TM6SF1: variants seen among roughly 807,000 people sequenced by gnomAD.
TM6SF1 encodes transmembrane 6 superfamily member 1.
TM6SF1 carries 43 observed loss-of-function variants against 47.1 expected under a neutral mutation model. The ratio of observed to expected loss-of-function variants is 0.91; its 90% CI spans 0.72 to 1.18. The LOEUF is 1.18. TM6SF1 is among the 50% of genes most tolerant of loss of function. The probability of loss-of-function intolerance (pLI) is 0.00; values close to 1 mark genes in which losing one functional copy is unlikely to be tolerated. For missense variants in TM6SF1, 390 were observed against 449.0 expected, an observed-to-expected ratio of 0.87 and a Z score of 1.19; for synonymous variants, 177 against 166.3, an observed-to-expected ratio of 1.06 and a Z score of -0.49.
At chr15:83,122,563 A>G (rs1205086120) in intron 5 of TM6SF1, among the ~76,000 whole-genome samples, 194 bp from the exon 6 acceptor site, 1 of 152,170 alleles carries the variant, frequency 6.6e-6, no homozygotes, top group African/African-American at 2.4e-5. Flanking sequence ...GGGCTCAAGC[A>G]GATTACTGTA....
chr15:83,123,693 C>T lies in TM6SF1; in HGVS notation c.603+815C>T, dbSNP rs556803320. 6.6e-4 allele frequency among the ~76,000 whole-genome samples: 100 copies of T among 152,304 alleles called. 1 individual carries two copies. The highest frequency in any genetic ancestry group is 2.2e-3 in the African/African-American group (93 of 41,566). On this transcript the variant is annotated intron_variant, in intron 6 of 9. Coordinates refer to ENST00000322019, the MANE Select transcript of TM6SF1 (RefSeq NM_023003.5). Reference sequence around the variant, plus strand: ...GCACACTGACAGCTGGTACTAACTTCCCTCTGAGGAAAGAGGTGGCTGTTA... The same window carrying T: ...GCACACTGACAGCTGGTACTAACTTTCCTCTGAGGAAAGAGGTGGCTGTTA...
At chr15:83,123,512 G>C (rs984591654) in intron 6 of TM6SF1, among the ~76,000 whole-genome samples, 1 of 152,170 alleles carries the variant, frequency 6.6e-6, no homozygotes, top group Non-Finnish European at 1.5e-5. Flanking sequence ...GATCTTTTAA[G>C]CAAAACTGAT....
At chr15:83,119,406 G>C (rs1226936858) in intron 3 of TM6SF1, among the ~76,000 whole-genome samples, 172 bp from the exon 4 acceptor site, 1 of 152,222 alleles carries the variant, frequency 6.6e-6, no homozygotes, top group Non-Finnish European at 1.5e-5. Context: ...GGTTTTGGCA[G>C]CTCCAGCGTA....
At position 83,136,666 on chromosome 15, in the gene TM6SF1, G is replaced by T; in HGVS notation, c.1107G>T (p.Val369=). The T allele has an allele frequency of 6.3e-7, 1 of 1,590,178 alleles. No homozygotes were observed. The highest frequency in any genetic ancestry group is 8.5e-7 in the Non-Finnish European group (1 of 1,173,254). The part of the protein sequence containing the change: ...FFIKTKAEEK[V]E ...TAAAAACAAAGGCAGAAGAAAAAGT[G>T]GAATAAAAATATTACTTCATGTTCC... The change falls in exon 10 of 10, where the codon GTG becomes GTT. Residue 369 remains valine (V), a synonymous_variant. Coordinates refer to ENST00000322019, the MANE Select transcript of TM6SF1 (RefSeq NM_023003.5).
intron 3 of TM6SF1, 124 bp from the exon 4 acceptor site, chr15:83,119,454 T>C: frequency 9.9e-7 from 1 of 1,005,992 alleles, no homozygotes; most frequent in Non-Finnish European, 1.5e-6. Flanking sequence ...TTTGAAGAAA[T>C]AGTTTCATCT....
At position 83,136,631 on chromosome 15, in the gene TM6SF1, G is replaced by C. The variant is rs748436484; in HGVS notation, c.1072G>C (p.Glu358Gln). 6.2e-7 allele frequency: 1 copy of C among 1,606,102 alleles called. No individual in the cohort carries two copies. Among genetic ancestry groups the C allele is most frequent in the Non-Finnish European group, 8.5e-7 (1 of 1,177,918 alleles). The change falls in exon 10 of 10, where the codon GAG becomes CAG. Residue 358 changes from glutamate (E) to glutamine (Q), a missense_variant. Glu to Gln is a conservative substitution (Grantham distance 29). Coordinates refer to ENST00000322019, the MANE Select transcript of TM6SF1 (RefSeq NM_023003.5). ...GGCCTATCGTTGTATCTACAAACCA[G>C]AGTTCTTCATAAAAACAAAGGCAGA... ...LLAYRCIYKP[E>Q]FFIKTKAEEK...
At chr15:83,110,774 G>GCAA (rs2034073941) in intron 1 of TM6SF1, among the ~76,000 whole-genome samples, 1 of 152,202 alleles carries the variant, frequency 6.6e-6, no homozygotes, top group Non-Finnish European at 1.5e-5. Context: ...GGAGCCTGGA[G>GCAA]CAACCACTGA....
intron 7 of TM6SF1, among the ~76,000 whole-genome samples, 162 bp from the exon 8 acceptor site, chr15:83,126,593 C>A (rs1268529623): frequency 6.6e-6 from 1 of 152,160 alleles, no homozygotes; most frequent in Non-Finnish European, 1.5e-5. Flanking sequence ...CTCCTTAGAA[C>A]AAATCTGCAA....
chr15:83,120,200 G>A (rs1467167217), intron 4 of TM6SF1: 1 of 158,664 alleles, frequency 6.3e-6, no homozygotes, highest in East Asian at 1.8e-4. Context: ...TGATGTGAAA[G>A]GTGCTGGTTT....
chr15:83,122,029 C>T (rs1443598828), intron 5 of TM6SF1, 26 bp downstream of exon 5: 1 of 1,549,888 alleles, frequency 6.5e-7, no homozygotes, highest in Non-Finnish European at 8.9e-7. Flanking sequence ...TTAAAGTTCA[C>T]TTTCCTTTTC....
chr15:83,111,664 C>T lies in TM6SF1; in HGVS notation c.93-1133C>T, dbSNP rs941250027. On this transcript the variant is annotated intron_variant, in intron 1 of 9. Transcript: ENST00000322019. ...TGAGGAGTGGTGCTTGTAGCTGCTC[C>T]AATCTGAAGAGGTCCTGGTGTAGCA... 5.1e-6 allele frequency: 5 copies of T among 985,242 alleles called. No individual in the cohort carries two copies. In the African/African-American group the frequency reaches 7.0e-5, roughly 14 times the overall value. The allele number at this position is 985,242 out of a possible 1,614,324, so 61.0% of individuals were successfully genotyped here. A position where few individuals can be genotyped will look rare whatever the true frequency, so the allele number is the denominator to read the frequency against.
rs8025060 is a variant in TM6SF1 at position 83,113,370 on chromosome 15, G to A, written c.196+470G>A. ...TTGTATGACCCTGAGCACTTTAGCA[G>A]CAGGCTTTCACCTAATCCTCACCAT... On this transcript the variant is annotated intron_variant, in intron 2 of 9. Transcript: ENST00000322019. 434 of 158,232 alleles carry A rather than the reference G, an allele frequency of 2.7e-3. 1 individual carries two copies. The highest frequency in any genetic ancestry group is 9.4e-3 in the African/African-American group (393 of 41,730). The allele number at this position is 158,232 out of a possible 1,614,324, so 9.8% of individuals were successfully genotyped here. A position where few individuals can be genotyped will look rare whatever the true frequency, so the allele number is the denominator to read the frequency against.
intron 7 of TM6SF1, 78 bp downstream of exon 7, chr15:83,124,854 T>A: frequency 3.1e-6 from 4 of 1,302,772 alleles, no homozygotes; most frequent in Non-Finnish European, 4.4e-6. Context: ...TAGAAATATG[T>A]TTTTGTTTTT....
chr15:83,130,481 T>C (rs1260544110), intron 9 of TM6SF1: 2 of 152,264 alleles, frequency 1.3e-5, no homozygotes, highest in Non-Finnish European at 2.9e-5. Flanking sequence ...AGCCCCTCTC[T>C]TGATGGTGAA....
intron 3 of TM6SF1, among the ~76,000 whole-genome samples, chr15:83,117,429 T>C (rs566234581): frequency 5.9e-5 from 9 of 151,430 alleles, no homozygotes; most frequent in East Asian, 5.8e-4. Context: ...TATGAGAAGG[T>C]AGAGAGAGAA....
At chr15:83,124,601 T>C (rs2151370670) in intron 6 of TM6SF1, 71 bp from the exon 7 acceptor site, 3 of 1,178,738 alleles carry the variant, frequency 2.5e-6, no homozygotes, top group East Asian at 4.8e-5. Context: ...CATCATGACA[T>C]TTAATGTTTC....
rs2033781466 is a variant in TM6SF1, at chr15:83,107,668, CGCG to C, written c.-7_-5del. 2.0e-6 allele frequency: 3 copies of C among 1,538,116 alleles called. No homozygotes were observed. The highest frequency in any genetic ancestry group is 2.4e-5 in the South Asian group (2 of 82,932). Reference sequence around the variant, plus strand: ...GCGGGATGCGGTGAAGGGCGAGCGGCGCGGCGGCTGCGATGAGTGCCTCTGCGG... The same window carrying C: ...GCGGGATGCGGTGAAGGGCGAGCGGCGCGGCTGCGATGAGTGCCTCTGCGG... On this transcript the variant is annotated 5_prime_UTR_variant, in exon 1 of 10. Coordinates refer to ENST00000322019, the MANE Select transcript of TM6SF1 (RefSeq NM_023003.5). This position sits in a 1 kb window ranked among gnomAD's most constrained non-coding sequence, Gnocchi z 5.6.
intron 9 of TM6SF1, chr15:83,127,769 T>G (rs879510096): frequency 3.1e-6 from 1 of 322,186 alleles, no homozygotes; most frequent in Non-Finnish European, 5.8e-6. Flanking sequence ...ATTGTTGTTT[T>G]ATTGGACTGT....
chr15:83,133,236 C>G (rs1596530920), intron 9 of TM6SF1: 1 of 152,182 alleles, frequency 6.6e-6, no homozygotes, highest in East Asian at 1.9e-4. Context: ...TAACACAGTT[C>G]TAGATTAGCT....
Sources: allele counts gnomAD v4.1 joint callset (sites outside exome capture counted in the v4.1 genomes callset), GRCh38; gene constraint gnomAD v4.1.1; non-coding constraint Gnocchi (gnomAD v3.1); transcripts MANE v1.5; gene names NCBI Gene and HGNC (gene_info 2026-07-23, HGNC 2026-07-21).